Variants in CAGE1 observed in about 807,000 individuals in gnomAD.
The protein encoded by CAGE1 is cancer-associated gene 1 protein.
Under a neutral mutation model 94.9 loss-of-function variants are expected in CAGE1, and 66 were observed. That is an observed-to-expected ratio of 0.70 (90% CI 0.57 to 0.85). The LOEUF is 0.85. Among genes scored for constraint, CAGE1 ranks in the 40% least tolerant of loss-of-function variants. CAGE1 has a pLI of 0.00. For missense variants in CAGE1, 865 were observed against 950.4 expected, an observed-to-expected ratio of 0.91 and a Z score of 1.18; for synonymous variants, 319 against 321.0, an observed-to-expected ratio of 0.99 and a Z score of 0.07.
At chr6:7,345,705 A>G (rs780797510) in intron 11 of CAGE1, among the ~76,000 whole-genome samples, 2 of 152,128 alleles carry the variant, frequency 1.3e-5, no homozygotes, top group African/African-American at 4.8e-5. Flanking sequence ...AGGCGGGCAG[A>G]TCATGAGGTC....
chr6:7,373,641 T>G lies in CAGE1; in HGVS notation c.1178A>C (p.Gln393Pro). ...QNLEEVLANTQKHLQESRNDK... is the reference protein window; with the variant it reads ...QNLEEVLANTPKHLQESRNDK... Reference sequence around the variant, plus strand: ...ATTCCTGGATTCCTGAAGATGTTTTTGCGTGTTAGCTAAAACCTCTTCCAA... The same window carrying G: ...ATTCCTGGATTCCTGAAGATGTTTTGGCGTGTTAGCTAAAACCTCTTCCAA... The change falls in exon 5 of 14, where the codon CAA (glutamine) becomes CCA (proline). Residue 393 changes from glutamine to proline, a missense_variant. Gln to Pro is a moderately conservative substitution (Grantham distance 76). Transcript: ENST00000502583. The G allele has an allele frequency of 6.2e-7, 1 of 1,613,432 alleles. No individual in the cohort carries two copies. Among genetic ancestry groups the G allele is most frequent in the Non-Finnish European group, 8.5e-7 (1 of 1,179,740 alleles).
intron 7 of CAGE1, among the ~76,000 whole-genome samples, chr6:7,367,151 G>A (rs1760370868): frequency 6.6e-6 from 1 of 151,820 alleles, no homozygotes; most frequent in South Asian, 2.1e-4. Context: ...CTCAATCACT[G>A]CCCTCTTCCC....
chr6:7,346,398 T>A (rs1166857948), intron 11 of CAGE1, among the ~76,000 whole-genome samples: 1 of 150,094 alleles, frequency 6.7e-6, no homozygotes, highest in Non-Finnish European at 1.5e-5. Context: ...CTAAAATAAA[T>A]AAAAGTCACG....
intron 11 of CAGE1, chr6:7,341,059 T>G: frequency 2.0e-6 from 1 of 497,600 alleles, no homozygotes; most frequent in Non-Finnish European, 3.9e-6. Flanking sequence ...GATCCAGATA[T>G]AGAGGCCAGA....
In CAGE1 at chr6:7,339,319, C is replaced by A; in HGVS notation, c.2370-5229G>T. 6.3e-7 allele frequency: 1 copy of A among 1,594,048 alleles called. No homozygotes were observed. Among genetic ancestry groups the A allele is most frequent in the East Asian group, 2.2e-5 (1 of 44,782 alleles). On this transcript the variant is annotated intron_variant, in intron 11 of 13. Transcript: ENST00000502583. The surrounding 1 kb of genome is among the most constrained non-coding windows in gnomAD (Gnocchi z 4.7). ...GCCACCTCTTCAGCATAAAGCTCTA[C>A]ACTGCCCTCTGGAGAGCCAAACCTC...
intron 11 of CAGE1, among the ~76,000 whole-genome samples, chr6:7,337,630 T>G (rs181096631): frequency 7.8e-4 from 119 of 152,350 alleles, no homozygotes; most frequent in Non-Finnish European, 1.5e-3. Context: ...CTTTTTCCAC[T>G]TTGTTGCCTT....
chr6:7,347,160 G>C (rs1759578721), intron 11 of CAGE1, among the ~76,000 whole-genome samples: 1 of 152,106 alleles, frequency 6.6e-6, no homozygotes, highest in South Asian at 2.1e-4. Flanking sequence ...ATGAATTTTA[G>C]CTCCAGAATG....
chr6:7,344,385 G>A (rs1217951163), intron 11 of CAGE1, among the ~76,000 whole-genome samples: 5 of 152,356 alleles, frequency 3.3e-5, no homozygotes, highest in Admixed American at 2.0e-4. Flanking sequence ...AGGGTGTACT[G>A]GGTCCCCCAG....
At chr6:7,361,418 A>G (rs1163843314) in intron 9 of CAGE1, among the ~76,000 whole-genome samples, 1 of 152,224 alleles carries the variant, frequency 6.6e-6, no homozygotes, top group African/African-American at 2.4e-5. Flanking sequence ...AAATGAATTT[A>G]TAACCAACAT....
intron 9 of CAGE1, among the ~76,000 whole-genome samples, chr6:7,361,734 G>A (rs1199808159): frequency 6.6e-6 from 1 of 152,160 alleles, no homozygotes; most frequent in Non-Finnish European, 1.5e-5. Context: ...AGGAAGGTGA[G>A]GGATAGAGTC....
intron 11 of CAGE1, among the ~76,000 whole-genome samples, chr6:7,336,321 T>A (rs1482587674): frequency 1.3e-5 from 2 of 152,162 alleles, no homozygotes; most frequent in South Asian, 4.1e-4. Context: ...TGCACTCCCA[T>A]GTGTAGAGCT....
chr6:7,355,182 A>G (rs748981071), intron 10 of CAGE1, 71 bp from the exon 11 acceptor site: 18 of 1,002,032 alleles, frequency 1.8e-5, no homozygotes, highest in Non-Finnish European at 2.5e-5. Flanking sequence ...TTATGACTAC[A>G]AGTTGAAGCT....
chr6:7,370,330 G>C (rs1760497391), intron 5 of CAGE1, among the ~76,000 whole-genome samples: 1 of 152,242 alleles, frequency 6.6e-6, no homozygotes, highest in Non-Finnish European at 1.5e-5. Flanking sequence ...GGGTCTCACT[G>C]TCACACAGGC....
In CAGE1 at chr6:7,379,340, A is replaced by G. The variant is rs549242877; in HGVS notation, c.284-320T>C. 2.0e-5 allele frequency among the ~76,000 whole-genome samples: 3 copies of G among 152,354 alleles called. No homozygotes were observed. In the South Asian group the frequency reaches 6.2e-4, roughly 32 times the overall value. On this transcript the variant is annotated intron_variant, in intron 3 of 13. Coordinates refer to ENST00000502583, the MANE Select transcript of CAGE1 (RefSeq NM_001170692.2). ...CTGTAATTTTAAGATGTTTTAAATT[A>G]TACAATGTTTCAAAAGGACAAGGAT... is the stretch of plus-strand genomic sequence containing the variant.
chr6:7,332,336 C>T (rs776488805), intron 12 of CAGE1, among the ~76,000 whole-genome samples: 8 of 152,238 alleles, frequency 5.3e-5, no homozygotes, highest in Non-Finnish European at 1.0e-4. Flanking sequence ...AGGACCTACG[C>T]GGAGGCATTT....
intron 9 of CAGE1, among the ~76,000 whole-genome samples, chr6:7,360,403 G>A (rs577822404): frequency 9.9e-5 from 15 of 152,250 alleles, no homozygotes; most frequent in South Asian, 2.1e-4. Context: ...TATCTAGGTC[G>A]TAATTCAAGG....
In CAGE1 at chr6:7,378,731, C is replaced by T. The variant is rs538460073; in HGVS notation, c.573G>A (p.Pro191=). The T allele has an allele frequency of 1.7e-5, 27 of 1,613,902 alleles. No homozygotes were observed. The highest frequency in any genetic ancestry group is 1.0e-4 in the Admixed American group (6 of 60,000). Residue 191 remains proline, a synonymous_variant, in exon 4 of 14, where the codon CCG becomes CCA. Coordinates refer to ENST00000502583, the MANE Select transcript of CAGE1 (RefSeq NM_001170692.2). ...EYFRQPPPRS[P]PLIHCSGEML... The stretch of plus-strand genomic sequence containing the variant: ...TCTCTCCACTGCAGTGGATTAGAGG[C>T]GGGCTTCTAGGAGGAGGCTGTCTAA...
chr6:7,386,533 G>A (rs761680328), intron 2 of CAGE1, among the ~76,000 whole-genome samples: 36 of 152,128 alleles, frequency 2.4e-4, no homozygotes, highest in Admixed American at 2.0e-4. Flanking sequence ...CTCTTGTCCT[G>A]CCTCTGACTG....
At chr6:7,345,365 GAAC>G (rs1418416004) in intron 11 of CAGE1, among the ~76,000 whole-genome samples, 1 of 82,840 alleles carries the variant, frequency 1.2e-5, no homozygotes, top group Non-Finnish European at 2.8e-5. Flanking sequence ...GAACACATCA[GAAC>G]ATCAGAAGGA....
Sources: gnomAD v4.1 joint callset for allele counts (sites outside exome capture counted in the v4.1 genomes callset) on GRCh38, gnomAD v4.1.1 for gene constraint, Gnocchi (gnomAD v3.1) non-coding constraint, MANE v1.5 for transcripts, NCBI Gene and HGNC (gene_info 2026-07-23, HGNC 2026-07-21) for gene names.